MAMDC2: variants seen among roughly 807,000 people sequenced by gnomAD.
MAMDC2 encodes MAM domain-containing protein 2.
MAMDC2 carries 57 observed loss-of-function variants against 89.8 expected under a neutral mutation model. That is an observed-to-expected ratio of 0.63 (90% CI 0.51 to 0.79). The LOEUF (loss-of-function observed/expected upper bound fraction) is 0.79, where lower values mean the gene tolerates loss of function less well. MAMDC2 is among the 30% of genes least tolerant of loss of function. The pLI, the probability that MAMDC2 is intolerant of heterozygous loss-of-function variation, is 0.00. For missense variants in MAMDC2, 800 were observed against 820.6 expected, an observed-to-expected ratio of 0.97 and a Z score of 0.31; for synonymous variants, 313 against 293.4, an observed-to-expected ratio of 1.07 and a Z score of -0.68.
chr9:70,146,332 C>G (rs2031403225), intron 9 of MAMDC2, among the ~76,000 whole-genome samples: 2 of 152,098 alleles, frequency 1.3e-5, no homozygotes, highest in Admixed American at 6.5e-5. Context: ...TCAGAAAGAA[C>G]TAGTCATGGA....
At position 70,043,873 on chromosome 9, in the gene MAMDC2, GGC is replaced by G; in HGVS notation, c.-324_-323del. The G allele has an allele frequency of 2.3e-6, 1 of 434,710 alleles. No individual in the cohort carries two copies. The highest frequency in any genetic ancestry group is 3.3e-5 in the South Asian group (1 of 29,908). 26.9% of individuals were successfully genotyped at this position (434,710 alleles called of 1,614,324 possible). A position where few individuals can be genotyped will look rare whatever the true frequency, so the allele number is the denominator to read the frequency against. The stretch of plus-strand genomic sequence containing the variant: ...GACCTCTCCTCTCCCAGCCAGTCGT[GGC>G]TGGCCTTTCAAAGTGTGCAGTTGTC... On this transcript the variant is annotated 5_prime_UTR_variant, in exon 1 of 14. Coordinates refer to ENST00000377182, the MANE Select transcript of MAMDC2 (RefSeq NM_153267.5).
chr9:70,169,595 CTG>C (rs767846506), intron 10 of MAMDC2: 4 of 152,106 alleles, frequency 2.6e-5, no homozygotes, highest in Non-Finnish European at 5.9e-5. Context: ...TTAACCAGTA[CTG>C]TGTGTAAAAT....
intron 9 of MAMDC2, among the ~76,000 whole-genome samples, chr9:70,162,274 A>AGATTT (rs1649877437): frequency 1.3e-5 from 2 of 152,192 alleles, no homozygotes; most frequent in East Asian, 1.9e-4. Context: ...TATATAACAA[A>AGATTT]GATTTGATTT....
At chr9:70,217,989 CTT>C (rs1248762536) in intron 11 of MAMDC2, among the ~76,000 whole-genome samples, 3 of 152,190 alleles carry the variant, frequency 2.0e-5, no homozygotes, top group East Asian at 1.9e-4. Context: ...CCCACCCTCT[CTT>C]TCTCTCCAAA....
chr9:70,140,754 C>T (rs760354842), intron 8 of MAMDC2, among the ~76,000 whole-genome samples: 26 of 151,956 alleles, frequency 1.7e-4, no homozygotes, highest in Admixed American at 1.0e-3. Flanking sequence ...CTCAAAATGC[C>T]GCTGAATTGT....
intron 11 of MAMDC2, among the ~76,000 whole-genome samples, chr9:70,202,960 AGATGG>A (rs1439634050): frequency 6.6e-5 from 10 of 151,310 alleles, no homozygotes; most frequent in African/African-American, 2.4e-4. Context: ...TCTGCACGTG[AGATGG>A]GTTTCCTGAA....
intron 11 of MAMDC2, among the ~76,000 whole-genome samples, chr9:70,174,146 T>G (rs1358131808): frequency 1.3e-5 from 2 of 152,206 alleles, no homozygotes; most frequent in African/African-American, 4.8e-5. Flanking sequence ...ATACTTAGAA[T>G]AAGACCTGGC....
At chr9:70,117,216 C>CA (rs1245991678) in intron 5 of MAMDC2, among the ~76,000 whole-genome samples, 1 of 152,174 alleles carries the variant, frequency 6.6e-6, no homozygotes, top group Non-Finnish European at 1.5e-5. Flanking sequence ...TACATTCTTG[C>CA]ATACCCTGGT....
chr9:70,223,244 T>C (rs1040226380), intron 12 of MAMDC2, among the ~76,000 whole-genome samples: 5 of 152,050 alleles, frequency 3.3e-5, no homozygotes, highest in African/African-American at 1.2e-4. Flanking sequence ...CACCTAACAG[T>C]TTCATATATT....
intron 11 of MAMDC2, among the ~76,000 whole-genome samples, chr9:70,181,969 C>T (rs767432650): frequency 5.3e-5 from 8 of 152,236 alleles, no homozygotes; most frequent in East Asian, 1.9e-4. Flanking sequence ...TTTCCCCATT[C>T]GGTATGATAT....
At chr9:70,152,644 C>T (rs1231168496) in intron 9 of MAMDC2, among the ~76,000 whole-genome samples, 1 of 152,070 alleles carries the variant, frequency 6.6e-6, no homozygotes, top group Admixed American at 6.5e-5. Context: ...CCCTAACTCT[C>T]AGGATTCCTG....
At chr9:70,142,808 G>T (rs1217079521) in intron 8 of MAMDC2, among the ~76,000 whole-genome samples, 1 of 152,154 alleles carries the variant, frequency 6.6e-6, no homozygotes, top group East Asian at 1.9e-4. Flanking sequence ...AAACTGACAG[G>T]AGGAGGAGCA....
chr9:70,086,964 C>A (rs1362458328), intron 2 of MAMDC2: 1 of 152,116 alleles, frequency 6.6e-6, no homozygotes, highest in East Asian at 1.9e-4. Context: ...TACCCTCTCG[C>A]TGCTACAGAG....
At chr9:70,077,385 T>C (rs1167508669) in intron 2 of MAMDC2, among the ~76,000 whole-genome samples, 1 of 152,218 alleles carries the variant, frequency 6.6e-6, no homozygotes, top group Non-Finnish European at 1.5e-5. Context: ...CGATGTCCAA[T>C]AGAGCTTTCT....
At chr9:70,070,079 A>G (rs989855194) in intron 2 of MAMDC2, among the ~76,000 whole-genome samples, 1 of 152,210 alleles carries the variant, frequency 6.6e-6, no homozygotes, top group Non-Finnish European at 1.5e-5. Context: ...AGAAACCAAC[A>G]TACTATGTGG....
intron 9 of MAMDC2, among the ~76,000 whole-genome samples, chr9:70,155,524 G>A (rs186175383): frequency 7.0e-4 from 107 of 152,140 alleles, no homozygotes; most frequent in African/African-American, 2.4e-3. Flanking sequence ...TCCCTCTCTC[G>A]TAAATCTTCA....
At chr9:70,075,547 G>A (rs547779788) in intron 2 of MAMDC2, among the ~76,000 whole-genome samples, 1 of 152,266 alleles carries the variant, frequency 6.6e-6, no homozygotes, top group South Asian at 2.1e-4. Flanking sequence ...AAACTTCCTG[G>A]GTTGAGGATT....
chr9:70,185,521 C>G (rs1287249089), intron 11 of MAMDC2, among the ~76,000 whole-genome samples: 4 of 152,194 alleles, frequency 2.6e-5, no homozygotes, highest in Admixed American at 2.6e-4. Context: ...CCCAGGGGCT[C>G]TGTCCCAGGG....
At chr9:70,099,455 T>C (rs1716113586) in intron 2 of MAMDC2, among the ~76,000 whole-genome samples, 2 of 152,210 alleles carry the variant, frequency 1.3e-5, no homozygotes, top group Admixed American at 6.5e-5. Context: ...CAGAGGCATC[T>C]TCTCTCCACG....
Sources: allele counts gnomAD v4.1 joint callset (sites outside exome capture counted in the v4.1 genomes callset), GRCh38; gene constraint gnomAD v4.1.1; transcripts MANE v1.5; gene names NCBI Gene and HGNC (gene_info 2026-07-23, HGNC 2026-07-21).